AATK: variants seen among roughly 807,000 people sequenced by gnomAD.
AATK encodes serine/threonine-protein kinase LMTK1.
Under a neutral mutation model 114.3 loss-of-function variants are expected in AATK, and 91 were observed. That is an observed-to-expected ratio of 0.80 (90% CI 0.67 to 0.95). AATK has a LOEUF of 0.95. Ranked by LOEUF, AATK falls within the 40% of genes least tolerant of loss-of-function variation. AATK has a pLI of 0.00. For synonymous variants in AATK, 1,075 were observed against 916.5 expected (o/e 1.17, Z -3.12); for missense variants, 2,176 against 1,965.2 (o/e 1.11, Z -2.03).
chr17:81,153,931 C>T (rs1446040936), intron 1 of AATK, among the ~76,000 whole-genome samples: 1 of 152,028 alleles, frequency 6.6e-6, no homozygotes, highest in Admixed American at 6.6e-5. Flanking sequence ...ATTAACCCAG[C>T]GTGGTGGCGG....
intron 2 of AATK, 122 bp from the exon 3 acceptor site, chr17:81,131,327 G>C: frequency 7.5e-7 from 1 of 1,329,596 alleles, no homozygotes; most frequent in South Asian, 1.5e-5. Flanking sequence ...GGGGTGCTCG[G>C]CCCAGAGTTG....
chr17:81,152,216 T>C (rs1322664300), intron 1 of AATK, among the ~76,000 whole-genome samples: 1 of 152,148 alleles, frequency 6.6e-6, no homozygotes, highest in African/African-American at 2.4e-5. Flanking sequence ...AGGCAGAGAT[T>C]GCAGGGAGCC....
Position 81,121,336 on chromosome 17 carries a change from G to T in AATK, c.2600C>A (p.Thr867Asn). 1 of 1,612,244 alleles carries T rather than the reference G, an allele frequency of 6.2e-7. No homozygotes were observed. Among genetic ancestry groups the T allele is most frequent in the South Asian group, 1.1e-5 (1 of 91,012 alleles). Residue 867 changes from threonine to asparagine, a missense_variant, in exon 11 of 14, where the codon ACC becomes AAC. Physicochemically the swap from Thr to Asn is moderately conservative, Grantham distance 65 (BLOSUM62 0). Around this residue, in one of 4 missense-constraint regions of AATK, gnomAD observed 1,701 missense variants for 1,394.7 expected, o/e 1.22. Coordinates refer to ENST00000326724, the MANE Select transcript of AATK (RefSeq NM_001080395.3). ...SSEDEDTAEATSGIFTDTSSD... is the reference protein window; with the variant it reads ...SSEDEDTAEANSGIFTDTSSD... The stretch of plus-strand genomic sequence containing the variant: ...GGACGTGTCGGTGAAGATGCCTGAG[G>T]TGGCCTCGGCCGTGTCCTCATCCTC...
chr17:81,121,091 A>G lies in AATK; in HGVS notation c.2845T>C (p.Phe949Leu), dbSNP rs1270454846. 6.2e-7 allele frequency: 1 copy of G among 1,602,386 alleles called. No individual in the cohort carries two copies. The highest frequency in any genetic ancestry group is 8.5e-7 in the Non-Finnish European group (1 of 1,174,418). The change falls in exon 11 of 14, where the codon TTT becomes CTT. Residue 949 changes from phenylalanine to leucine, a missense_variant. Phe to Leu is a conservative substitution (Grantham distance 22). This residue lies in a region of AATK where 1,701 missense variants were observed against 1,394.7 expected (regional missense o/e 1.22). Coordinates refer to ENST00000326724, the MANE Select transcript of AATK (RefSeq NM_001080395.3). ...YDTENYESPE[F>L]VLKEAQEGCE... ...CCTTCCTGCGCCTCCTTGAGCACAA[A>G]CTCAGGGGACTCATAGTTCTCGGTG...
chr17:81,128,402 C>T, intron 4 of AATK, 68 bp downstream of exon 4: 1 of 1,493,098 alleles, frequency 6.7e-7, no homozygotes, highest in Non-Finnish European at 9.1e-7. Context: ...CTAGGAGGAG[C>T]AGGTCTGCAG....
intron 1 of AATK, among the ~76,000 whole-genome samples, chr17:81,155,364 T>G (rs551807398): frequency 4.7e-5 from 7 of 149,892 alleles, no homozygotes; most frequent in African/African-American, 1.7e-4. Context: ...TGTCTCCCTT[T>G]TTAATACATT....
intron 1 of AATK, among the ~76,000 whole-genome samples, chr17:81,147,101 G>A (rs6565537): frequency 2.0e-5 from 3 of 150,626 alleles, no homozygotes; most frequent in African/African-American, 7.4e-5. Flanking sequence ...GGTGGCTCCC[G>A]CCTGTAATCT....
chr17:81,140,572 G>A (rs1018723987), intron 1 of AATK, among the ~76,000 whole-genome samples: 1 of 151,800 alleles, frequency 6.6e-6, no homozygotes, highest in Non-Finnish European at 1.5e-5. Context: ...GCAAGCCAGG[G>A]TCATCCCGAG....
At chr17:81,145,946 G>T (rs1410748483) in intron 1 of AATK, among the ~76,000 whole-genome samples, 2 of 152,052 alleles carry the variant, frequency 1.3e-5, no homozygotes, top group Admixed American at 1.3e-4. Context: ...CCAGCACTTT[G>T]GGAGGCCGAG....
At chr17:81,165,825 C>T (rs553480752) in intron 1 of AATK, 113 bp downstream of exon 1, 23 of 1,507,784 alleles carry the variant, frequency 1.5e-5, no homozygotes, top group South Asian at 6.2e-5. Context: ...CTGCTGGGCT[C>T]GGGGCGGGGA....
chr17:81,148,455 C>A (rs910942901), intron 1 of AATK, among the ~76,000 whole-genome samples: 3 of 152,360 alleles, frequency 2.0e-5, no homozygotes, highest in African/African-American at 2.4e-5. Flanking sequence ...TCCACAGGGA[C>A]CCTTCCTGCT....
At chr17:81,162,311 C>T (rs921088963) in intron 1 of AATK, among the ~76,000 whole-genome samples, 5 of 152,150 alleles carry the variant, frequency 3.3e-5, no homozygotes, top group African/African-American at 1.2e-4. Context: ...GGGGATGGGC[C>T]GAACTCATGG....
chr17:81,118,499 C>T (rs1172278633), intron 13 of AATK, 57 bp from the exon 14 acceptor site: 1 of 1,561,900 alleles, frequency 6.4e-7, no homozygotes, highest in East Asian at 2.4e-5. Context: ...GGCTGCCTCC[C>T]CCGCAACTCC....
At position 81,163,578 on chromosome 17, in the gene AATK, G is replaced by A. The variant is rs372780731; in HGVS notation, c.55+2360C>T. Among the ~76,000 whole-genome samples, 10 of 152,372 alleles carry A rather than the reference G, an allele frequency of 6.6e-5. No homozygotes were observed. In the East Asian group the frequency reaches 1.4e-3, roughly 21 times the overall value. On this transcript the variant is annotated intron_variant, in intron 1 of 13. Transcript: ENST00000326724. Reference sequence around the variant, plus strand: ...CAAGAAATCCCCCAGCCACGCTCCCGAGTGTCAGGGAGATGGGGGAAGAGC... The same window carrying A: ...CAAGAAATCCCCCAGCCACGCTCCCAAGTGTCAGGGAGATGGGGGAAGAGC...
Position 81,126,222 on chromosome 17 carries a change from C to T in AATK, c.755+205G>A, listed in dbSNP as rs905688909. Among the ~76,000 whole-genome samples, 15 of 152,210 alleles carry T rather than the reference C, an allele frequency of 9.9e-5. No homozygotes were observed. Among genetic ancestry groups the T allele is most frequent in the Admixed American group, 9.8e-4 (15 of 15,284 alleles). ...GACAGTACGCATCTCTTCGTCTAAA[C>T]CTGCAAAGTGGGTGTCAAACCATTG... On this transcript the variant is annotated intron_variant, in intron 7 of 13. Transcript: ENST00000326724. This position sits in a 1 kb window ranked among gnomAD's most constrained non-coding sequence, Gnocchi z 5.1.
At position 81,126,251 on chromosome 17, in the gene AATK, T is replaced by C. The variant is rs2060821620; in HGVS notation, c.755+176A>G. On this transcript the variant is annotated intron_variant, in intron 7 of 13. Coordinates refer to ENST00000326724, the MANE Select transcript of AATK (RefSeq NM_001080395.3). This position sits in a 1 kb window ranked among gnomAD's most constrained non-coding sequence, Gnocchi z 5.1. ...CAAAGTGGGTGTCAAACCATTGTCT[T>C]CCCAATTTTTCAAAAACGTCATAAA... Among the ~76,000 whole-genome samples, 1 of 152,136 alleles carries C rather than the reference T, an allele frequency of 6.6e-6. No individual in the cohort carries two copies. The highest frequency in any genetic ancestry group is 2.4e-5 in the African/African-American group (1 of 41,426).
chr17:81,138,438 C>A (rs1448177106), intron 1 of AATK, among the ~76,000 whole-genome samples: 1 of 122,814 alleles, frequency 8.1e-6, no homozygotes, highest in Non-Finnish European at 1.7e-5. Context: ...CATGCAAACA[C>A]ACCCACAGAT....
intron 1 of AATK, among the ~76,000 whole-genome samples, chr17:81,151,754 G>A (rs78653050): frequency 2.0e-5 from 3 of 152,294 alleles, no homozygotes; most frequent in Admixed American, 1.3e-4. Flanking sequence ...GGGTTGCATC[G>A]TGTTAGGCAG....
At chr17:81,135,771 C>T (rs2061000148) in intron 1 of AATK, 1 of 152,292 alleles carries the variant, frequency 6.6e-6, no homozygotes, top group South Asian at 2.1e-4. Context: ...CCAGGTTGTT[C>T]CCCACACACG....
Sources: gnomAD v4.1 joint callset for allele counts (sites outside exome capture counted in the v4.1 genomes callset) on GRCh38, gnomAD v4.1.1 for gene constraint, gnomAD v4.1.1 regional missense constraint, Gnocchi (gnomAD v3.1) non-coding constraint, MANE v1.5 for transcripts, NCBI Gene and HGNC (gene_info 2026-07-23, HGNC 2026-07-21) for gene names.